NR3C1: variants seen among roughly 807,000 people sequenced by gnomAD.
The protein encoded by NR3C1 is glucocorticoid receptor.
NR3C1 carries 14 observed loss-of-function variants against 74.0 expected under a neutral mutation model. The observed-to-expected ratio is 0.19, with a 90% CI of 0.12 to 0.30. The LOEUF (loss-of-function observed/expected upper bound fraction) is 0.30. Among genes scored for constraint, NR3C1 ranks in the 10% least tolerant of loss-of-function variants. The pLI is 1.00. For synonymous variants in NR3C1, 308 were observed against 332.5 expected (o/e 0.93, Z 0.80); for missense variants, 695 against 909.8 (o/e 0.76, Z 3.04).
At chr5:143,409,867 A>G (rs369707681) in intron 1 of NR3C1, among the ~76,000 whole-genome samples, 2 of 152,188 alleles carry the variant, frequency 1.3e-5, no homozygotes, top group Non-Finnish European at 2.9e-5. Flanking sequence ...GTCTTTCATG[A>G]TGCTTTCAAT....
At chr5:143,411,609 T>C (rs1025931874) in intron 1 of NR3C1, among the ~76,000 whole-genome samples, 5 of 152,174 alleles carry the variant, frequency 3.3e-5, no homozygotes, top group African/African-American at 1.2e-4. Flanking sequence ...GACACAAATA[T>C]TCTGCAAAAA....
chr5:143,400,689 C>T lies in NR3C1; in HGVS notation c.151G>A (p.Ala51Thr), dbSNP rs1292025233. 3 of 1,614,052 alleles carry T rather than the reference C, an allele frequency of 1.9e-6. No individual in the cohort carries two copies. In the Admixed American group the frequency reaches 5.0e-5, roughly 27 times the overall value. ...CGCTGCTTGGAGTCTGATTGAGAAG[C>T]GACAGCCAGTGAGGGTGAAGACGCA... Reference protein sequence around the residue: ...VSASSPSLAVASQSDSKQRRL... With the variant: ...VSASSPSLAVTSQSDSKQRRL... Residue 51 changes from alanine to threonine, a missense_variant, in exon 2 of 9, where the codon GCT becomes ACT. Physicochemically the swap from Ala to Thr is moderately conservative, Grantham distance 58. Coordinates refer to ENST00000394464, the MANE Select transcript of NR3C1 (RefSeq NM_000176.3).
intron 2 of NR3C1, among the ~76,000 whole-genome samples, chr5:143,384,895 GC>G (rs1294630150): frequency 6.6e-6 from 1 of 152,204 alleles, no homozygotes. Flanking sequence ...CTGTGTGGGG[GC>G]TCTAACCCCA....
chr5:143,400,842 G>A lies in NR3C1; in HGVS notation c.-3C>T. 1.2e-6 allele frequency: 2 copies of A among 1,612,808 alleles called. No individual in the cohort carries two copies. The highest frequency in any genetic ancestry group is 1.7e-6 in the Non-Finnish European group (2 of 1,179,736). ...GTTAATGATTCTTTGGAGTCCATCA[G>A]TGAATATCAACTACAAAACAAAAAA... On this transcript the variant is annotated 5_prime_UTR_variant, in exon 2 of 9. Coordinates refer to ENST00000394464, the MANE Select transcript of NR3C1 (RefSeq NM_000176.3).
intron 2 of NR3C1, among the ~76,000 whole-genome samples, chr5:143,373,460 C>T (rs1467169159): frequency 3.0e-5 from 3 of 100,530 alleles, no homozygotes; most frequent in Non-Finnish European, 5.8e-5. Context: ...CTACATTTAT[C>T]GGGGGGTGGG....
chr5:143,392,127 G>A (rs752799264), intron 2 of NR3C1, among the ~76,000 whole-genome samples: 42 of 151,936 alleles, frequency 2.8e-4, no homozygotes, highest in Non-Finnish European at 5.9e-5. Flanking sequence ...CACCATGCCC[G>A]GCTAATTTTC....
In NR3C1 at chr5:143,300,400, C is replaced by A. The variant is rs757322296; in HGVS notation, c.1747+85G>T. ...TAAGAGAAACAAGATAAGCCATGGG[C>A]TCACGATGATATAAAAGCCAAAGTG... is the stretch of plus-strand genomic sequence containing the variant. On this transcript the variant is annotated intron_variant, in intron 5 of 8. Transcript: ENST00000394464. This position sits in a 1 kb window ranked among gnomAD's most constrained non-coding sequence, Gnocchi z 5.2. 1.7e-4 allele frequency: 263 copies of A among 1,535,700 alleles called. No individual in the cohort carries two copies. The highest frequency in any genetic ancestry group is 1.7e-3 in the Middle Eastern group (10 of 5,916).
intron 2 of NR3C1, among the ~76,000 whole-genome samples, chr5:143,394,773 G>A (rs1838890909): frequency 1.3e-5 from 2 of 151,924 alleles, no homozygotes; most frequent in South Asian, 4.1e-4. Context: ...TCTGATTGAT[G>A]CATTCCCTTG....
intron 1 of NR3C1, among the ~76,000 whole-genome samples, chr5:143,423,367 T>A (rs1358908634): frequency 1.3e-5 from 2 of 152,176 alleles, no homozygotes; most frequent in African/African-American, 4.8e-5. Context: ...ACATCCTTAA[T>A]CATCAGAGAA....
At chr5:143,413,660 GTTC>G (rs1418980043) in intron 1 of NR3C1, among the ~76,000 whole-genome samples, 1 of 152,162 alleles carries the variant, frequency 6.6e-6, no homozygotes, top group Non-Finnish European at 1.5e-5. Flanking sequence ...AGTGGAAAGA[GTTC>G]TTTTCCCATA....
intron 2 of NR3C1, among the ~76,000 whole-genome samples, chr5:143,350,271 A>T (rs1227528771): frequency 6.6e-6 from 1 of 152,160 alleles, no homozygotes; most frequent in Admixed American, 6.5e-5. Flanking sequence ...CAAGATGATG[A>T]TGCAGTCATC....
chr5:143,310,983 G>A (rs1314296864), intron 3 of NR3C1, among the ~76,000 whole-genome samples: 1 of 152,222 alleles, frequency 6.6e-6, no homozygotes, highest in Non-Finnish European at 1.5e-5. Flanking sequence ...ACAAATAATA[G>A]TTTGGGGTAG....
chr5:143,392,115 G>A (rs1027461275), intron 2 of NR3C1, among the ~76,000 whole-genome samples: 1 of 152,036 alleles, frequency 6.6e-6, no homozygotes, highest in African/African-American at 2.4e-5. Context: ...ACAGGCACCA[G>A]CCACCATGCC....
At chr5:143,412,817 A>G (rs1841337748) in intron 1 of NR3C1, among the ~76,000 whole-genome samples, 1 of 152,246 alleles carries the variant, frequency 6.6e-6, no homozygotes, top group South Asian at 2.1e-4. Flanking sequence ...AATGACCAGA[A>G]GAAGGAAAGA....
intron 7 of NR3C1, among the ~76,000 whole-genome samples, chr5:143,291,584 C>A (rs989495885): frequency 2.6e-5 from 4 of 151,994 alleles, no homozygotes; most frequent in Admixed American, 6.6e-5. Context: ...TTTTCACCTC[C>A]TAGTTAAAAA....
intron 2 of NR3C1, among the ~76,000 whole-genome samples, chr5:143,352,545 T>A (rs551143143): frequency 6.6e-6 from 1 of 152,270 alleles, no homozygotes; most frequent in East Asian, 1.9e-4. Context: ...CAAAATAATA[T>A]TAATACAGGC....
chr5:143,334,882 T>G (rs529311982), intron 2 of NR3C1, among the ~76,000 whole-genome samples: 30 of 152,298 alleles, frequency 2.0e-4, no homozygotes, highest in Non-Finnish European at 3.2e-4. Context: ...AAATAGTTTA[T>G]AAGAAGCATC....
At chr5:143,333,251 G>A (rs916525132) in intron 2 of NR3C1, 12 of 1,291,460 alleles carry the variant, frequency 9.3e-6, no homozygotes, top group Non-Finnish European at 1.2e-5. Context: ...CCCAGGTGAG[G>A]CAGGGCTGAA....
chr5:143,348,174 G>A (rs1255963591), intron 2 of NR3C1, among the ~76,000 whole-genome samples: 3 of 152,098 alleles, frequency 2.0e-5, no homozygotes, highest in Non-Finnish European at 2.9e-5. Flanking sequence ...TCGTGTTTCC[G>A]GTAGCATACT....
Sources: gnomAD v4.1 joint callset for allele counts (sites outside exome capture counted in the v4.1 genomes callset) on GRCh38, gnomAD v4.1.1 for gene constraint, Gnocchi (gnomAD v3.1) non-coding constraint, MANE v1.5 for transcripts, NCBI Gene and HGNC (gene_info 2026-07-23, HGNC 2026-07-21) for gene names.